ATF7IP2: variants seen among roughly 807,000 people sequenced by gnomAD.
The protein encoded by ATF7IP2 is activating transcription factor 7 interacting protein 2, also known as activating transcription factor 7-interacting protein 2.
ATF7IP2 carries 42 observed loss-of-function variants against 64.2 expected under a neutral mutation model. The observed-to-expected ratio is 0.65, with a 90% CI of 0.51 to 0.85. The LOEUF (loss-of-function observed/expected upper bound fraction) is 0.85. Ranked by LOEUF, ATF7IP2 falls within the 40% of genes least tolerant of loss-of-function variation. ATF7IP2 has a pLI of 0.00. For synonymous variants in ATF7IP2, 308 were observed against 272.8 expected, an observed-to-expected ratio of 1.13 and a Z score of -1.27; for missense variants, 933 against 784.2, an observed-to-expected ratio of 1.19 and a Z score of -2.27.
intron 13 of ATF7IP2, 63 bp downstream of exon 13, chr16:10,481,027 T>G: frequency 8.1e-7 from 1 of 1,241,502 alleles, no homozygotes; most frequent in Non-Finnish European, 1.2e-6. Flanking sequence ...GTAGCTATGT[T>G]ACTCTTGAAG....
At chr16:10,448,075 T>A (rs1346076740) in intron 8 of ATF7IP2, 3 of 152,266 alleles carry the variant, frequency 2.0e-5, no homozygotes, top group Admixed American at 2.0e-4. Context: ...AAAGATCAGA[T>A]GGTTGTAGAT....
chr16:10,465,324 G>C (rs966137054), intron 9 of ATF7IP2, among the ~76,000 whole-genome samples: 1 of 152,004 alleles, frequency 6.6e-6, no homozygotes, highest in Non-Finnish European at 1.5e-5. Flanking sequence ...CTAGAGAAAT[G>C]AATTACTAAT....
intron 6 of ATF7IP2, 70 bp downstream of exon 6, chr16:10,433,719 G>C: frequency 5.2e-6 from 8 of 1,536,918 alleles, no homozygotes; most frequent in Non-Finnish European, 6.3e-6. Flanking sequence ...TAATTATCTG[G>C]TCCCCACAGT....
At chr16:10,468,602 A>C (rs985957610) in intron 9 of ATF7IP2, among the ~76,000 whole-genome samples, 5 of 152,180 alleles carry the variant, frequency 3.3e-5, no homozygotes, top group Non-Finnish European at 7.3e-5. Flanking sequence ...TAGGTCAGAG[A>C]TTGGAGAATC....
intron 9 of ATF7IP2, among the ~76,000 whole-genome samples, chr16:10,461,494 G>A (rs117225857): frequency 1.8e-4 from 28 of 152,146 alleles, no homozygotes; most frequent in Admixed American, 5.9e-4. Context: ...AAATCTATAC[G>A]GTGGAATGTT....
chr16:10,402,365 C>A (rs1021778003), intron 1 of ATF7IP2, among the ~76,000 whole-genome samples: 8 of 151,950 alleles, frequency 5.3e-5, no homozygotes, highest in African/African-American at 1.9e-4. Flanking sequence ...TGTTGAATTT[C>A]CATATATTTT....
At chr16:10,405,555 C>T (rs1359484506) in intron 1 of ATF7IP2, among the ~76,000 whole-genome samples, 2 of 152,148 alleles carry the variant, frequency 1.3e-5, no homozygotes, top group Non-Finnish European at 2.9e-5. Flanking sequence ...GCCTAACCAC[C>T]TGACTACAGA....
chr16:10,473,430 G>A (rs2049880517), intron 10 of ATF7IP2, 49 bp from the exon 11 acceptor site: 6 of 1,130,606 alleles, frequency 5.3e-6, no homozygotes, highest in Non-Finnish European at 8.0e-6. Flanking sequence ...ATTTCACAAA[G>A]CCCATAAATA....
chr16:10,481,609 T>C (rs1295368398), intron 13 of ATF7IP2, among the ~76,000 whole-genome samples: 1 of 152,204 alleles, frequency 6.6e-6, no homozygotes, highest in Non-Finnish European at 1.5e-5. Flanking sequence ...ATGGAATATT[T>C]ATCCCACATG....
chr16:10,459,351 C>A (rs1268529092), intron 9 of ATF7IP2, among the ~76,000 whole-genome samples: 2 of 152,068 alleles, frequency 1.3e-5, no homozygotes, highest in Non-Finnish European at 2.9e-5. Context: ...GCCTGTACTC[C>A]CAGCTACTCA....
intron 9 of ATF7IP2, among the ~76,000 whole-genome samples, chr16:10,458,191 T>A (rs748537868): frequency 6.6e-6 from 1 of 152,222 alleles, no homozygotes; most frequent in African/African-American, 2.4e-5. Flanking sequence ...GGATTTCACA[T>A]GCAGTTGTGA....
rs760006935 is a variant in ATF7IP2, at chr16:10,431,147, G to A, written c.527G>A (p.Gly176Asp). 2.5e-6 allele frequency: 4 copies of A among 1,614,190 alleles called. No individual in the cohort carries two copies. The highest frequency in any genetic ancestry group is 3.4e-6 in the Non-Finnish European group (4 of 1,180,036). ...SSCCPPSVLS[G>D]VVQMPESTVT... Reference sequence around the variant, plus strand: ...TGCTGTCCACCCAGTGTATTGAGTGGTGTTGTTCAGATGCCAGAGTCTACA... The same window carrying A: ...TGCTGTCCACCCAGTGTATTGAGTGATGTTGTTCAGATGCCAGAGTCTACA... The change falls in exon 5 of 14, where the codon GGT (glycine) becomes GAT (aspartate). Residue 176 changes from glycine (G) to aspartate (D), a missense_variant. Coordinates refer to ENST00000562102, the MANE Select transcript of ATF7IP2 (RefSeq NM_001393719.1).
chr16:10,402,931 C>G (rs1031388378), intron 1 of ATF7IP2, among the ~76,000 whole-genome samples: 11 of 151,114 alleles, frequency 7.3e-5, no homozygotes, highest in African/African-American at 2.7e-4. Flanking sequence ...AATGTTGAGT[C>G]TTGTTTTGTG....
intron 3 of ATF7IP2, among the ~76,000 whole-genome samples, chr16:10,425,271 C>A (rs148866291): frequency 6.8e-6 from 1 of 147,402 alleles, no homozygotes; most frequent in Admixed American, 6.8e-5. Flanking sequence ...GGTTTCACCA[C>A]GTTGGCCAGG....
intron 8 of ATF7IP2, among the ~76,000 whole-genome samples, chr16:10,454,775 A>G (rs1277138795): frequency 2.0e-5 from 3 of 152,138 alleles, no homozygotes; most frequent in African/African-American, 7.2e-5. Context: ...TTGATACATC[A>G]TATCTTTGTT....
At chr16:10,430,475 C>T (rs2048207183) in intron 4 of ATF7IP2, 136 bp from the exon 5 acceptor site, 3 of 572,604 alleles carry the variant, frequency 5.2e-6, no homozygotes, top group Middle Eastern at 4.7e-4. Context: ...ATATGATTTT[C>T]AGTAAGGTGA....
intron 11 of ATF7IP2, 29 bp from the exon 12 acceptor site, chr16:10,473,894 C>CCTTTTTT: frequency 9.6e-7 from 1 of 1,042,000 alleles, no homozygotes; most frequent in Non-Finnish European, 1.3e-6. Flanking sequence ...TGAGGCAAAG[C>CCTTTTTT]TTTTTTTTTT....
chr16:10,457,573 A>G, intron 9 of ATF7IP2, 44 bp downstream of exon 9: 4 of 1,391,830 alleles, frequency 2.9e-6, no homozygotes, highest in Non-Finnish European at 3.9e-6. Context: ...TAAATCTATA[A>G]TAATGAATTT....
chr16:10,403,103 T>G (rs2047567383), intron 1 of ATF7IP2, among the ~76,000 whole-genome samples: 1 of 152,216 alleles, frequency 6.6e-6, no homozygotes, highest in Non-Finnish European at 1.5e-5. Context: ...TGGAGATTAG[T>G]GATTTTCCAT....
Sources: gnomAD v4.1 joint callset for allele counts (sites outside exome capture counted in the v4.1 genomes callset) on GRCh38, gnomAD v4.1.1 for gene constraint, MANE v1.5 for transcripts, NCBI Gene and HGNC (gene_info 2026-07-23, HGNC 2026-07-21) for gene names.